FGGY: variants seen among roughly 807,000 people sequenced by gnomAD.
The protein encoded by FGGY is FGGY carbohydrate kinase domain-containing protein.
A neutral mutation model predicts 71.3 loss-of-function variants in FGGY; 72 were observed. That is an observed-to-expected ratio of 1.01 (90% confidence interval 0.84 to 1.23). FGGY has a LOEUF of 1.23. FGGY is among the 50% of genes most tolerant of loss of function. The probability of loss-of-function intolerance (pLI) is 0.00; values close to 1 mark genes in which losing one functional copy is unlikely to be tolerated. For missense variants in FGGY, 668 were observed against 682.3 expected, an observed-to-expected ratio of 0.98 and a Z score of 0.23; for synonymous variants, 251 against 250.3, an observed-to-expected ratio of 1.00 and a Z score of -0.02.
intron 1 of FGGY, among the ~76,000 whole-genome samples, chr1:59,301,102 C>G (rs906856223): frequency 6.6e-6 from 1 of 152,130 alleles, no homozygotes; most frequent in Non-Finnish European, 1.5e-5. Context: ...CCCGTGGACA[C>G]AGTATATCTG....
At chr1:59,297,832 AT>A (rs2042191390) in intron 1 of FGGY, among the ~76,000 whole-genome samples, 2 of 151,270 alleles carry the variant, frequency 1.3e-5, no homozygotes, top group Non-Finnish European at 2.9e-5. Flanking sequence ...AAAAAAAAAA[AT>A]TGACAAGGTG....
intron 7 of FGGY, among the ~76,000 whole-genome samples, chr1:59,545,465 A>G (rs2095506401): frequency 6.6e-6 from 1 of 152,172 alleles, no homozygotes; most frequent in Non-Finnish European, 1.5e-5. Context: ...TGAGAATGAG[A>G]AATTGTCTTT....
chr1:59,503,021 T>C (rs1272079568), intron 6 of FGGY, among the ~76,000 whole-genome samples: 1 of 152,184 alleles, frequency 6.6e-6, no homozygotes, highest in African/African-American at 2.4e-5. Context: ...ATGCCTGCCC[T>C]CTCTAACCTA....
At chr1:59,705,995 C>T (rs1357379480) in intron 14 of FGGY, among the ~76,000 whole-genome samples, 1 of 152,172 alleles carries the variant, frequency 6.6e-6, no homozygotes, top group Non-Finnish European at 1.5e-5. Flanking sequence ...AAACGAAACA[C>T]CTACACCATT....
chr1:59,351,843 C>G (rs959628368), intron 4 of FGGY, among the ~76,000 whole-genome samples: 1 of 152,126 alleles, frequency 6.6e-6, no homozygotes, highest in Non-Finnish European at 1.5e-5. Flanking sequence ...TGTCATTTAT[C>G]TTCTCCTTGT....
At chr1:59,497,462 C>T (rs189206220) in intron 6 of FGGY, among the ~76,000 whole-genome samples, 2 of 152,288 alleles carry the variant, frequency 1.3e-5, no homozygotes, top group East Asian at 1.9e-4. Context: ...GTGGCAGGCA[C>T]CTGTAATCCT....
chr1:59,521,493 T>C (rs1350063646), intron 7 of FGGY, among the ~76,000 whole-genome samples: 1 of 152,204 alleles, frequency 6.6e-6, no homozygotes, highest in Non-Finnish European at 1.5e-5. Flanking sequence ...TTTTAAATCT[T>C]GTGCCACACG....
rs147978049 is a variant in FGGY at position 59,467,000 on chromosome 1, G to A, written c.670+9924G>A. Reference sequence around the variant, plus strand: ...CATTTGACCCAGCGATTCCATTACTGGGTATATACCCACGGATTATACATC... The same window carrying A: ...CATTTGACCCAGCGATTCCATTACTAGGTATATACCCACGGATTATACATC... On this transcript the variant is annotated intron_variant, in intron 6 of 15. Transcript: ENST00000303721. Among the ~76,000 whole-genome samples the A allele has an allele frequency of 7.4e-3, 1,127 of 152,202 alleles. 16 individuals carry two copies. Among genetic ancestry groups the A allele is most frequent in the African/African-American group, 0.026 (1,090 of 41,526 alleles).
At chr1:59,399,408 G>A (rs2061680287) in intron 5 of FGGY, among the ~76,000 whole-genome samples, 1 of 152,026 alleles carries the variant, frequency 6.6e-6, no homozygotes, top group Admixed American at 6.6e-5. Context: ...TTCTTAAATA[G>A]GTATGATTAT....
At chr1:59,342,093 C>G (rs547361894) in intron 3 of FGGY, among the ~76,000 whole-genome samples, 7 of 152,260 alleles carry the variant, frequency 4.6e-5, no homozygotes, top group African/African-American at 1.7e-4. Flanking sequence ...TTTGTATCAT[C>G]TGATCTGCTA....
intron 14 of FGGY, among the ~76,000 whole-genome samples, chr1:59,732,355 AC>A (rs990668621): frequency 1.3e-5 from 2 of 151,866 alleles, no homozygotes; most frequent in African/African-American, 2.4e-5. Flanking sequence ...TCTGTTTACC[AC>A]CCCCCTTCCT....
intron 5 of FGGY, among the ~76,000 whole-genome samples, chr1:59,386,337 G>A (rs2060070437): frequency 6.6e-6 from 1 of 152,116 alleles, no homozygotes; most frequent in Non-Finnish European, 1.5e-5. Flanking sequence ...ATTGTTGGAT[G>A]TCCCTCCATT....
At chr1:59,497,597 AAG>A (rs2094080764) in intron 6 of FGGY, among the ~76,000 whole-genome samples, 1 of 152,136 alleles carries the variant, frequency 6.6e-6, no homozygotes, top group African/African-American at 2.4e-5. Context: ...CAAACAAACA[AAG>A]AAACAAAAAA....
chr1:59,362,742 A>G (rs1039760820), intron 4 of FGGY, among the ~76,000 whole-genome samples: 7 of 152,212 alleles, frequency 4.6e-5, no homozygotes, highest in African/African-American at 1.7e-4. Context: ...CATAGTTTAT[A>G]AATTATGTAT....
intron 14 of FGGY, among the ~76,000 whole-genome samples, chr1:59,740,696 CAG>C (rs1267680876): frequency 6.6e-6 from 1 of 152,224 alleles, no homozygotes; most frequent in East Asian, 1.9e-4. Context: ...CACTTATTAT[CAG>C]AGACTCTTTC....
intron 8 of FGGY, among the ~76,000 whole-genome samples, chr1:59,580,482 G>A (rs1038425309): frequency 1.3e-5 from 2 of 151,946 alleles, no homozygotes; most frequent in African/African-American, 2.4e-5. Context: ...GTGACACCGC[G>A]TGAGTCAGAT....
intron 8 of FGGY, among the ~76,000 whole-genome samples, chr1:59,595,605 C>A (rs1373439453): frequency 6.6e-6 from 1 of 152,046 alleles, no homozygotes; most frequent in Non-Finnish European, 1.5e-5. Flanking sequence ...CAGAAGAATC[C>A]TTTGAACCCA....
chr1:59,692,557 G>A (rs925356210), intron 14 of FGGY, among the ~76,000 whole-genome samples: 2 of 151,414 alleles, frequency 1.3e-5, no homozygotes, highest in Non-Finnish European at 2.9e-5. Context: ...ATCATCAGGA[G>A]TCCAACAGGG....
chr1:59,482,456 A>G (rs1371543896), intron 6 of FGGY, among the ~76,000 whole-genome samples: 1 of 152,088 alleles, frequency 6.6e-6, no homozygotes, highest in Non-Finnish European at 1.5e-5. Context: ...ATGACCACTT[A>G]TCTAAGAGGC....
Sources: gnomAD v4.1 joint callset for allele counts (sites outside exome capture counted in the v4.1 genomes callset) on GRCh38, gnomAD v4.1.1 for gene constraint, MANE v1.5 for transcripts, NCBI Gene and HGNC (gene_info 2026-07-23, HGNC 2026-07-21) for gene names.